Variants in LDLRAD3 observed in about 807,000 individuals in gnomAD.
LDLRAD3 encodes the protein low density lipoprotein receptor class A domain containing 3, also known as low-density lipoprotein receptor class A domain-containing protein 3.
In LDLRAD3, 20 loss-of-function variants were observed where a neutral mutation model predicts 29.4. The ratio of observed to expected loss-of-function variants is 0.68; its 90% CI spans 0.48 to 0.99. The LOEUF is 0.99. Among genes scored for constraint, LDLRAD3 ranks in the 50% least tolerant of loss-of-function variants. The pLI is 0.00. For synonymous variants in LDLRAD3, 157 were observed against 192.7 expected (o/e 0.81, Z 1.53); for missense variants, 420 against 454.3 (o/e 0.92, Z 0.69).
chr11:36,005,107 C>T (rs768190341), intron 1 of LDLRAD3, among the ~76,000 whole-genome samples: 3 of 152,222 alleles, frequency 2.0e-5, no homozygotes, highest in Non-Finnish European at 4.4e-5. Context: ...CTTATGCAAA[C>T]TTCTGCAGCA....
rs149976146 is a variant in LDLRAD3 at position 36,044,896 on chromosome 11, A to G, written c.193+8647A>G. The stretch of plus-strand genomic sequence containing the variant: ...CTCAGCTCTGCTGGAGCCCTGCACA[A>G]TTAAACACCTAAGTGGATTTTAATG... On this transcript the variant is annotated intron_variant, in intron 2 of 5. Transcript: ENST00000315571. 5.8e-3 allele frequency among the ~76,000 whole-genome samples: 883 copies of G among 152,328 alleles called. 7 individuals carry two copies. The highest frequency in any genetic ancestry group is 0.02 in the African/African-American group (842 of 41,568).
chr11:36,189,046 T>C (rs755351791), intron 4 of LDLRAD3, among the ~76,000 whole-genome samples: 4 of 152,000 alleles, frequency 2.6e-5, no homozygotes, highest in Non-Finnish European at 4.4e-5. Context: ...CTCATTGAAA[T>C]TGTACAATTT....
intron 4 of LDLRAD3, among the ~76,000 whole-genome samples, chr11:36,222,587 G>A (rs1395836866): frequency 6.6e-6 from 1 of 152,092 alleles, no homozygotes; most frequent in Non-Finnish European, 1.5e-5. Context: ...ATGGTATCCG[G>A]TAGGAAATTT....
At chr11:36,130,352 T>G (rs1011154439) in intron 4 of LDLRAD3, among the ~76,000 whole-genome samples, 1 of 152,142 alleles carries the variant, frequency 6.6e-6, no homozygotes, top group Non-Finnish European at 1.5e-5. Context: ...AAATGAAGTG[T>G]GCAGAGGCTT....
rs2133219109 is a variant in LDLRAD3 at position 36,046,165 on chromosome 11, A to G, written c.193+9916A>G. On this transcript the variant is annotated intron_variant, in intron 2 of 5. Coordinates refer to ENST00000315571, the MANE Select transcript of LDLRAD3 (RefSeq NM_174902.4). ...AACTCATTCTTTTTTATGGCTGCAT[A>G]GTATTCCATGGTATATATGTGCCAC... Among the ~76,000 whole-genome samples, 3 of 152,256 alleles carry G rather than the reference A, an allele frequency of 2.0e-5. No individual in the cohort carries two copies. The South Asian group carries it at 6.2e-4, about 32-fold the overall frequency.
At chr11:36,216,945 T>G (rs1296566703) in intron 4 of LDLRAD3, among the ~76,000 whole-genome samples, 1 of 152,204 alleles carries the variant, frequency 6.6e-6, no homozygotes, top group African/African-American at 2.4e-5. Context: ...GTATTCAGGA[T>G]AGCGCAATGG....
At chr11:36,133,678 C>T (rs924001067) in intron 4 of LDLRAD3, among the ~76,000 whole-genome samples, 1 of 151,266 alleles carries the variant, frequency 6.6e-6, no homozygotes, top group African/African-American at 2.4e-5. Flanking sequence ...GGACCACAGG[C>T]GCCTGCCACC....
intron 1 of LDLRAD3, among the ~76,000 whole-genome samples, chr11:35,947,823 C>T (rs1851076948): frequency 6.6e-6 from 1 of 152,204 alleles, no homozygotes; most frequent in African/African-American, 2.4e-5. Context: ...CCATGCCTTT[C>T]CTCCACAGTG....
intron 1 of LDLRAD3, among the ~76,000 whole-genome samples, chr11:35,949,355 C>T (rs1050017743): frequency 6.6e-5 from 10 of 152,198 alleles, no homozygotes; most frequent in Non-Finnish European, 1.3e-4. Context: ...GGAGGTTCAG[C>T]AGCCCTGAGG....
intron 1 of LDLRAD3, among the ~76,000 whole-genome samples, chr11:36,014,647 A>G (rs931695952): frequency 2.6e-5 from 4 of 152,176 alleles, no homozygotes; most frequent in Non-Finnish European, 5.9e-5. Context: ...CTGAACATCT[A>G]TCTGGGCAGT....
chr11:36,129,166 T>G (rs1421177958), intron 4 of LDLRAD3, among the ~76,000 whole-genome samples: 1 of 152,178 alleles, frequency 6.6e-6, no homozygotes, highest in Non-Finnish European at 1.5e-5. Flanking sequence ...CCGGTCATTG[T>G]GTGGGAAGGT....
intron 1 of LDLRAD3, among the ~76,000 whole-genome samples, chr11:36,004,761 A>G (rs775003636): frequency 3.6e-4 from 55 of 152,334 alleles, no homozygotes; most frequent in Middle Eastern, 3.4e-3. Flanking sequence ...GTTTCCATAC[A>G]TCCTCTGAAA....
intron 4 of LDLRAD3, among the ~76,000 whole-genome samples, chr11:36,183,632 G>A (rs1373627682): frequency 6.6e-6 from 1 of 151,980 alleles, no homozygotes; most frequent in East Asian, 1.9e-4. Context: ...ATGTTCCTGG[G>A]ACTCAACCTA....
chr11:36,227,120 A>T lies in LDLRAD3; in HGVS notation c.490A>T (p.Asn164Tyr), dbSNP rs997989453. 1.2e-6 allele frequency: 2 copies of T among 1,607,982 alleles called. No homozygotes were observed. The highest frequency in any genetic ancestry group is 1.7e-6 in the Non-Finnish European group (2 of 1,175,464). Residue 164 changes from asparagine to tyrosine, a missense_variant, in exon 5 of 6, where the codon AAC (asparagine) becomes TAC (tyrosine). Asn to Tyr is a moderately radical substitution (Grantham distance 143, BLOSUM62 -2). This residue lies in a region of LDLRAD3 where 224 missense variants were observed against 222.2 expected (regional missense o/e 1.01). Coordinates refer to ENST00000315571, the MANE Select transcript of LDLRAD3 (RefSeq NM_174902.4). Reference sequence around the variant, plus strand: ...TGGGCAGGTGTTTGTGACTTCAGAGAACCAACTTGTGTATTACCCCAGCAT... The same window carrying T: ...TGGGCAGGTGTTTGTGACTTCAGAGTACCAACTTGTGTATTACCCCAGCAT... Reference protein sequence around the residue: ...GSGQVFVTSENQLVYYPSITY... With the variant: ...GSGQVFVTSEYQLVYYPSITY...
At chr11:36,058,792 T>C (rs1367771788) in intron 2 of LDLRAD3, among the ~76,000 whole-genome samples, 1 of 152,202 alleles carries the variant, frequency 6.6e-6, no homozygotes, top group Non-Finnish European at 1.5e-5. Flanking sequence ...CTGGTGTATA[T>C]GGATAGAGGC....
At chr11:36,050,301 C>T (rs537209401) in intron 2 of LDLRAD3, among the ~76,000 whole-genome samples, 5 of 152,290 alleles carry the variant, frequency 3.3e-5, no homozygotes, top group South Asian at 2.1e-4. Context: ...AGCCCATCAC[C>T]GTCACTCTGC....
At chr11:35,971,347 A>C (rs1851410014) in intron 1 of LDLRAD3, among the ~76,000 whole-genome samples, 1 of 152,192 alleles carries the variant, frequency 6.6e-6, no homozygotes, top group African/African-American at 2.4e-5. Context: ...CAAAACTCAT[A>C]TGTTGAGCCC....
chr11:36,071,502 A>G (rs963522089), intron 2 of LDLRAD3, among the ~76,000 whole-genome samples: 1 of 152,248 alleles, frequency 6.6e-6, no homozygotes, highest in African/African-American at 2.4e-5. Context: ...AACGGGATTT[A>G]TGGATACATA....
At chr11:36,177,388 A>T (rs569163676) in intron 4 of LDLRAD3, among the ~76,000 whole-genome samples, 79 of 152,256 alleles carry the variant, frequency 5.2e-4, no homozygotes, top group African/African-American at 1.9e-3. Flanking sequence ...ATGATAAAGA[A>T]CCTTGCTTTG....
Sources: gnomAD v4.1 joint callset for allele counts (sites outside exome capture counted in the v4.1 genomes callset) on GRCh38, gnomAD v4.1.1 for gene constraint, gnomAD v4.1.1 regional missense constraint, MANE v1.5 for transcripts, NCBI Gene and HGNC (gene_info 2026-07-23, HGNC 2026-07-21) for gene names.